Variants in RGS18 observed in about 807,000 individuals in gnomAD.
The protein encoded by RGS18 is regulator of G-protein signaling 18.
RGS18 carries 22 observed loss-of-function variants against 27.6 expected under a neutral mutation model. That is an observed-to-expected ratio of 0.80 (90% CI 0.57 to 1.14). RGS18 has a LOEUF of 1.14. RGS18 is among the 50% of genes most tolerant of loss of function. The pLI, the probability that RGS18 is intolerant of heterozygous loss-of-function variation, is 0.00. For missense variants in RGS18, 299 were observed against 269.6 expected, an observed-to-expected ratio of 1.11 and a Z score of -0.76; for synonymous variants, 89 against 84.6, an observed-to-expected ratio of 1.05 and a Z score of -0.29.
chr1:192,162,956 C>T (rs1656099671), intron 3 of RGS18, among the ~76,000 whole-genome samples: 1 of 152,136 alleles, frequency 6.6e-6, no homozygotes, highest in Non-Finnish European at 1.5e-5. Flanking sequence ...AAACTTAGCA[C>T]ATCCCCTGGA....
intron 3 of RGS18, chr1:192,169,625 T>C (rs1656221618): frequency 6.6e-6 from 1 of 152,164 alleles, no homozygotes; most frequent in Admixed American, 6.6e-5. Flanking sequence ...AAGGCACATT[T>C]CCATATGACT....
intron 4 of RGS18, among the ~76,000 whole-genome samples, chr1:192,183,138 A>G (rs1199039753): frequency 1.3e-4 from 20 of 151,522 alleles, no homozygotes. Flanking sequence ...CTTCTCCCAA[A>G]ACCAACGTTT....
At chr1:192,164,955 A>G (rs894554623) in intron 3 of RGS18, among the ~76,000 whole-genome samples, 2 of 152,208 alleles carry the variant, frequency 1.3e-5, no homozygotes, top group African/African-American at 4.8e-5. Context: ...AAAGAACAGG[A>G]TAACAGCAAT....
At position 192,163,596 on chromosome 1, in the gene RGS18, T is replaced by C. The variant is rs531659178; in HGVS notation, c.283+3157T>C. On this transcript the variant is annotated intron_variant, in intron 3 of 4. Coordinates refer to ENST00000367460, the MANE Select transcript of RGS18 (RefSeq NM_130782.3). ...AATTTAAATCAAGAAGAGACACATT[T>C]AAAGAAATCAGCACTGACCCACTGG... The C allele has an allele frequency of 5.9e-5, 9 of 152,208 alleles. No homozygotes were observed. The East Asian group carries it at 1.7e-3, about 29-fold the overall frequency. 9.4% of individuals were successfully genotyped at this position (152,208 alleles called of 1,614,324 possible). A position where few individuals can be genotyped will look rare whatever the true frequency, so the allele number is the denominator to read the frequency against.
At chr1:192,164,920 C>T (rs144284873) in intron 3 of RGS18, among the ~76,000 whole-genome samples, 6 of 152,156 alleles carry the variant, frequency 3.9e-5, no homozygotes, top group East Asian at 3.9e-4. Flanking sequence ...TGTGTTTGAA[C>T]GATATGAAAT....
At chr1:192,183,144 C>T (rs778574379) in intron 4 of RGS18, among the ~76,000 whole-genome samples, 9 of 151,430 alleles carry the variant, frequency 5.9e-5, no homozygotes, top group Non-Finnish European at 8.9e-5. Context: ...CCAAAACCAA[C>T]GTTTTACATA....
rs200020460 is a variant in RGS18 at position 192,184,495 on chromosome 1, C to A, written c.649C>A (p.Arg217Ser). 1 of 1,611,378 alleles carries A rather than the reference C, an allele frequency of 6.2e-7. No individual in the cohort carries two copies. Among genetic ancestry groups the A allele is most frequent in the Admixed American group, 1.7e-5 (1 of 59,748 alleles). ...ACCAACAAATCTTAGGAGACGATCA[C>A]GCTCATTTACCTGCAATGAATTCCA... The part of the protein sequence containing the change: ...QRPTNLRRRS[R>S]SFTCNEFQDV... The change falls in exon 5 of 5, where the codon CGC (arginine) becomes AGC (serine). Residue 217 changes from arginine (R) to serine (S), a missense_variant. By Grantham distance (110) the Arg-to-Ser change is moderately radical. Transcript: ENST00000367460.
chr1:192,165,013 C>T (rs924302428), intron 3 of RGS18, among the ~76,000 whole-genome samples: 8 of 152,012 alleles, frequency 5.3e-5, no homozygotes, highest in South Asian at 2.1e-4. Context: ...GCCTGGGACC[C>T]GGGCAGGACA....
intron 3 of RGS18, among the ~76,000 whole-genome samples, chr1:192,179,295 A>AATCTAAAG (rs1656409016): frequency 6.6e-6 from 1 of 151,596 alleles, no homozygotes; most frequent in Admixed American, 6.6e-5. Flanking sequence ...AGTGAGAGTG[A>AATCTAAAG]ATCTAAAGAA....
rs1656398206 is a variant in RGS18 at position 192,178,619 on chromosome 1, G to A, written c.284-2673G>A. Reference sequence around the variant, plus strand: ...AAATGTTCACTAACTATAACATTAAGTCAATTTGGCAAAAATAATTTAAGT... The same window carrying A: ...AAATGTTCACTAACTATAACATTAAATCAATTTGGCAAAAATAATTTAAGT... On this transcript the variant is annotated intron_variant, in intron 3 of 4. Coordinates refer to ENST00000367460, the MANE Select transcript of RGS18 (RefSeq NM_130782.3). Among the ~76,000 whole-genome samples, 3 of 151,598 alleles carry A rather than the reference G, an allele frequency of 2.0e-5. No individual in the cohort carries two copies. In the South Asian group the frequency reaches 6.2e-4, roughly 31 times the overall value.
At chr1:192,170,245 G>A (rs1436546630) in intron 3 of RGS18, among the ~76,000 whole-genome samples, 2 of 152,166 alleles carry the variant, frequency 1.3e-5, no homozygotes, top group Non-Finnish European at 2.9e-5. Flanking sequence ...CAAATGTCAT[G>A]CTGAAATGTG....
intron 4 of RGS18, among the ~76,000 whole-genome samples, chr1:192,183,652 C>T (rs1248998308): frequency 6.6e-6 from 1 of 151,516 alleles, no homozygotes; most frequent in African/African-American, 2.4e-5. Flanking sequence ...ACAGACACAA[C>T]AGCACTATTC....
At chr1:192,164,159 G>A (rs998798489) in intron 3 of RGS18, among the ~76,000 whole-genome samples, 3 of 152,040 alleles carry the variant, frequency 2.0e-5, no homozygotes, top group African/African-American at 7.2e-5. Context: ...GCAGTTTTAG[G>A]AATGAAACCA....
intron 3 of RGS18, among the ~76,000 whole-genome samples, chr1:192,164,223 C>T (rs1442829797): frequency 6.6e-6 from 1 of 151,898 alleles, no homozygotes; most frequent in Non-Finnish European, 1.5e-5. Context: ...AATTCACTAG[C>T]CGAACAAGGA....
intron 3 of RGS18, among the ~76,000 whole-genome samples, chr1:192,165,845 C>T (rs1656154903): frequency 6.6e-6 from 1 of 151,900 alleles, no homozygotes; most frequent in Admixed American, 6.6e-5. Flanking sequence ...TCTGCTATTT[C>T]TATTTATTGT....
In RGS18 at chr1:192,159,256, G is replaced by A; in HGVS notation, c.156G>A (p.Val52=). The A allele has an allele frequency of 6.2e-7, 1 of 1,613,680 alleles. No homozygotes were observed. Among genetic ancestry groups the A allele is most frequent in the Non-Finnish European group, 8.5e-7 (1 of 1,179,662 alleles). The part of the protein sequence containing the change: ...KEKRNRLSLL[V]QKPEFHEDTR... ...AAAGAAATAGACTAAGTCTTCTTGT[G>A]CAGAAACCTGAGTTTCATGAAGACA... The change falls in exon 2 of 5, where the codon GTG becomes GTA. Residue 52 remains valine (V), a synonymous_variant. Coordinates refer to ENST00000367460, the MANE Select transcript of RGS18 (RefSeq NM_130782.3).
In RGS18 at chr1:192,159,296, T is replaced by C. The variant is rs1656029455; in HGVS notation, c.196T>C (p.Ser66Pro). ...TCATGAAGACACCCGCTCCAGTAGA[T>C]CTGGGCACTTGGCCAAAGAAACAAG... Reference protein sequence around the residue: ...EFHEDTRSSRSGHLAKETRVS... With the variant: ...EFHEDTRSSRPGHLAKETRVS... Residue 66 changes from serine to proline, a missense_variant, in exon 2 of 5, where the codon TCT becomes CCT. By Grantham distance (74) the Ser-to-Pro change is moderately conservative (BLOSUM62 -1). Coordinates refer to ENST00000367460, the MANE Select transcript of RGS18 (RefSeq NM_130782.3). 2 of 1,612,676 alleles carry C rather than the reference T, an allele frequency of 1.2e-6. No homozygotes were observed. Among genetic ancestry groups the C allele is most frequent in the Admixed American group, 3.3e-5 (2 of 59,986 alleles).
intron 1 of RGS18, 83 bp downstream of exon 1, chr1:192,158,839 C>T: frequency 3.2e-6 from 3 of 945,102 alleles, no homozygotes; most frequent in African/African-American, 3.4e-5. Context: ...TGTTTTTGAA[C>T]TATTGGGTGG....
intron 3 of RGS18, among the ~76,000 whole-genome samples, chr1:192,173,384 TTCTTAG>T (rs1189940312): frequency 6.6e-6 from 1 of 151,966 alleles, no homozygotes; most frequent in African/African-American, 2.4e-5. Context: ...CTTCACTTCC[TTCTTAG>T]TCTTAGTCTT....
Sources: allele counts gnomAD v4.1 joint callset (sites outside exome capture counted in the v4.1 genomes callset), GRCh38; gene constraint gnomAD v4.1.1; transcripts MANE v1.5; gene names NCBI Gene and HGNC (gene_info 2026-07-23, HGNC 2026-07-21).